Variants in CSMD1 observed in about 807,000 individuals in gnomAD.
CSMD1 encodes CUB and Sushi multiple domains 1, also known as CUB and sushi domain-containing protein 1.
A neutral mutation model predicts 417.5 loss-of-function variants in CSMD1; 213 were observed. The ratio of observed to expected loss-of-function variants is 0.51; its 90% CI spans 0.46 to 0.57. The LOEUF (loss-of-function observed/expected upper bound fraction) is 0.57, where lower values mean the gene tolerates loss of function less well. Ranked by LOEUF, CSMD1 falls within the 20% of genes least tolerant of loss-of-function variation. CSMD1 has a pLI of 0.00. For missense variants in CSMD1, 6,923 were observed against 4,529.7 expected (o/e 1.53, Z -15.17); for synonymous variants, 2,862 against 1,736.8 (o/e 1.65, Z -16.11).
chr8:4,838,851 C>T (rs1269352018), intron 1 of CSMD1, among the ~76,000 whole-genome samples: 4 of 152,214 alleles, frequency 2.6e-5, no homozygotes, highest in Non-Finnish European at 5.9e-5. Flanking sequence ...TCTTGTTTCT[C>T]TTGCTCTATC....
chr8:4,806,092 T>C (rs1477235758), intron 1 of CSMD1, among the ~76,000 whole-genome samples: 1 of 152,174 alleles, frequency 6.6e-6, no homozygotes. Flanking sequence ...CAATCTCTAA[T>C]TTTAAAATGA....
At chr8:4,271,760 C>T (rs535032999) in intron 3 of CSMD1, among the ~76,000 whole-genome samples, 9 of 152,076 alleles carry the variant, frequency 5.9e-5, no homozygotes, top group African/African-American at 1.9e-4. Flanking sequence ...ACATATAAAA[C>T]AAAAATGGAT....
chr8:3,891,188 G>T (rs879375072), intron 5 of CSMD1, among the ~76,000 whole-genome samples: 1 of 152,110 alleles, frequency 6.6e-6, no homozygotes, highest in African/African-American at 2.4e-5. Context: ...TGGGACCACA[G>T]GCATGTGCCA....
chr8:3,775,183 T>A (rs1798833002), intron 5 of CSMD1, among the ~76,000 whole-genome samples: 1 of 152,154 alleles, frequency 6.6e-6, no homozygotes, highest in Non-Finnish European at 1.5e-5. Flanking sequence ...ATACCAAACT[T>A]AAGTCCAAAA....
chr8:3,156,619 G>C (rs1263639672), intron 39 of CSMD1, among the ~76,000 whole-genome samples: 4 of 152,174 alleles, frequency 2.6e-5, no homozygotes, highest in African/African-American at 9.7e-5. Context: ...CAAAATTCAA[G>C]AGGGTGCCTA....
chr8:3,164,226 T>C lies in CSMD1; in HGVS notation c.5726-1949A>G, dbSNP rs571660291. ...AGTGGTACATAAACTAGTTGAGTAA[T>C]GTCAGGCCACAGAACCCATTGATTC... On this transcript the variant is annotated intron_variant, in intron 37 of 69. Transcript: ENST00000635120. 1.6e-4 allele frequency among the ~76,000 whole-genome samples: 24 copies of C among 152,326 alleles called. No homozygotes were observed. The South Asian group carries it at 1.9e-3, about 12-fold the overall frequency.
At position 4,376,036 on chromosome 8, in the gene CSMD1, A is replaced by T. The variant is rs564013950; in HGVS notation, c.415+43917T>A. 2.6e-5 allele frequency among the ~76,000 whole-genome samples: 4 copies of T among 152,300 alleles called. No homozygotes were observed. In the East Asian group the frequency reaches 7.7e-4, roughly 29 times the overall value. On this transcript the variant is annotated intron_variant, in intron 3 of 69. Coordinates refer to ENST00000635120, the MANE Select transcript of CSMD1 (RefSeq NM_033225.6). ...CTATGGTGGAAAATGCCCGTCTTTAAGTCTTGATATCTATACTGAAGCTAG... is the reference window on the plus strand; with the variant it reads ...CTATGGTGGAAAATGCCCGTCTTTATGTCTTGATATCTATACTGAAGCTAG...
chr8:4,892,800 A>G (rs1334355418), intron 1 of CSMD1, among the ~76,000 whole-genome samples: 1 of 152,114 alleles, frequency 6.6e-6, no homozygotes, highest in Non-Finnish European at 1.5e-5. Flanking sequence ...TCTACCTTGT[A>G]GATGGGAACT....
At chr8:3,581,297 A>G (rs1233091093) in intron 9 of CSMD1, among the ~76,000 whole-genome samples, 1 of 152,248 alleles carries the variant, frequency 6.6e-6, no homozygotes, top group Non-Finnish European at 1.5e-5. Flanking sequence ...CTTACCCTGC[A>G]AAAAATCATA....
At chr8:4,824,665 G>T (rs1445499217) in intron 1 of CSMD1, among the ~76,000 whole-genome samples, 1 of 152,158 alleles carries the variant, frequency 6.6e-6, no homozygotes, top group Non-Finnish European at 1.5e-5. Flanking sequence ...CATAACGAAA[G>T]TGACAATTTT....
intron 37 of CSMD1, among the ~76,000 whole-genome samples, chr8:3,177,572 A>T (rs189269703): frequency 1.3e-5 from 2 of 152,214 alleles, no homozygotes; most frequent in African/African-American, 2.4e-5. Flanking sequence ...TTCTTCCCTA[A>T]TAAGCCCATA....
chr8:4,869,482 C>T (rs1311731536), intron 1 of CSMD1, among the ~76,000 whole-genome samples: 2 of 151,964 alleles, frequency 1.3e-5, no homozygotes, highest in East Asian at 3.9e-4. Context: ...CTATATAATG[C>T]AGTCAAAAGT....
chr8:4,110,072 C>T (rs542150096), intron 3 of CSMD1, among the ~76,000 whole-genome samples: 8 of 151,988 alleles, frequency 5.3e-5, no homozygotes, highest in East Asian at 3.9e-4. Context: ...CCAATGATCA[C>T]GTGGAATAAT....
chr8:3,983,918 C>G (rs1374948833), intron 5 of CSMD1, among the ~76,000 whole-genome samples: 1 of 152,150 alleles, frequency 6.6e-6, no homozygotes, highest in Admixed American at 6.5e-5. Context: ...CACCGCACAT[C>G]TGACAGGGCT....
At chr8:4,578,277 C>T (rs1440932859) in intron 2 of CSMD1, among the ~76,000 whole-genome samples, 1 of 149,320 alleles carries the variant, frequency 6.7e-6, no homozygotes, top group Non-Finnish European at 1.5e-5. Context: ...TCTCCTGCCT[C>T]AGCCTCCCGA....
At chr8:4,334,799 G>C (rs747934845) in intron 3 of CSMD1, among the ~76,000 whole-genome samples, 1 of 150,156 alleles carries the variant, frequency 6.7e-6, no homozygotes, top group Admixed American at 6.6e-5. Flanking sequence ...GGGCTGCTAT[G>C]ACAAAATGCC....
intron 5 of CSMD1, among the ~76,000 whole-genome samples, chr8:3,852,273 G>A (rs916127466): frequency 1.3e-5 from 2 of 152,126 alleles, no homozygotes; most frequent in East Asian, 3.9e-4. Flanking sequence ...TGTAGGCAGT[G>A]GATGCAGCGA....
chr8:3,596,582 G>C (rs1022410197), intron 8 of CSMD1, among the ~76,000 whole-genome samples: 1 of 152,090 alleles, frequency 6.6e-6, no homozygotes, highest in Non-Finnish European at 1.5e-5. Flanking sequence ...CACAGAGACT[G>C]TTCGGCAAAT....
chr8:3,476,175 T>C (rs1341961593), intron 11 of CSMD1, among the ~76,000 whole-genome samples: 1 of 152,164 alleles, frequency 6.6e-6, no homozygotes, highest in Non-Finnish European at 1.5e-5. Context: ...AGGCCTTGGC[T>C]CAACCAAAAT....
Sources: allele counts gnomAD v4.1 joint callset (sites outside exome capture counted in the v4.1 genomes callset), GRCh38; gene constraint gnomAD v4.1.1; transcripts MANE v1.5; gene names NCBI Gene and HGNC (gene_info 2026-07-23, HGNC 2026-07-21).